Variants in ESPL1 observed in about 807,000 individuals in gnomAD.
ESPL1 encodes the protein separin.
ESPL1 carries 50 observed loss-of-function variants against 217.2 expected under a neutral mutation model. The ratio of observed to expected loss-of-function variants is 0.23; its 90% CI spans 0.18 to 0.29. ESPL1 has a LOEUF of 0.29. Among genes scored for constraint, ESPL1 ranks in the 10% least tolerant of loss-of-function variants. The pLI, the probability that ESPL1 is intolerant of heterozygous loss-of-function variation, is 1.00. For synonymous variants in ESPL1, 994 were observed against 1,081.3 expected (o/e 0.92, Z 1.58); for missense variants, 1,834 against 2,603.0 (o/e 0.70, Z 6.43).
Position 53,274,947 on chromosome 12 carries a change from T to C in ESPL1, c.1637T>C (p.Val546Ala). The C allele has an allele frequency of 6.3e-7, 1 of 1,595,328 alleles. No homozygotes were observed. Among genetic ancestry groups the C allele is most frequent in the Non-Finnish European group, 8.5e-7 (1 of 1,171,526 alleles). ...AGCCCTGAACACATGGCTGAGCCAG[T>C]CACTTTCTGGGTTCGGGTCAAGATG... is the stretch of plus-strand genomic sequence containing the variant. The part of the protein sequence containing the change: ...PCSPEHMAEP[V>A]TFWVRVKMDA... The change falls in exon 7 of 31, where the codon GTC becomes GCC. Residue 546 changes from valine (V) to alanine (A), a missense_variant. Physicochemically the swap from Val to Ala is moderately conservative, Grantham distance 64 (BLOSUM62 0). Around this residue, in one of 5 missense-constraint regions of ESPL1, gnomAD observed 746 missense variants for 1,077.0 expected, o/e 0.69. Transcript: ENST00000257934.
At chr12:53,272,238 G>A (rs566275293) in intron 5 of ESPL1, among the ~76,000 whole-genome samples, 40 of 152,294 alleles carry the variant, frequency 2.6e-4, no homozygotes, top group African/African-American at 9.1e-4. Flanking sequence ...CAGTAAATAA[G>A]TGAATTATCA....
At position 53,270,057 on chromosome 12, in the gene ESPL1, C is replaced by T. The variant is rs979250219; in HGVS notation, c.1115C>T (p.Ser372Phe). Residue 372 changes from serine to phenylalanine, a missense_variant, in exon 3 of 31, where the codon TCT becomes TTT. Coordinates refer to ENST00000257934, the MANE Select transcript of ESPL1 (RefSeq NM_012291.5). Reference sequence around the variant, plus strand: ...TTTGCTTTTCTTGGAGGGTACTGCTCTCTTCTGCAGCAGCTGCGGGATGAT... The same window carrying T: ...TTTGCTTTTCTTGGAGGGTACTGCTTTCTTCTGCAGCAGCTGCGGGATGAT... ...SLFAFLGGYCSLLQQLRDDGV... is the reference protein window; with the variant it reads ...SLFAFLGGYCFLLQQLRDDGV... 6.2e-7 allele frequency: 1 copy of T among 1,612,582 alleles called. No homozygotes were observed. The highest frequency in any genetic ancestry group is 1.7e-5 in the Admixed American group (1 of 59,820).
chr12:53,288,943 G>A, intron 20 of ESPL1, 147 bp from the exon 21 acceptor site: 1 of 732,168 alleles, frequency 1.4e-6, no homozygotes, highest in Admixed American at 2.4e-5. Context: ...TAGTTGCATG[G>A]CACCCCACTT....
Position 53,269,207 on chromosome 12 carries a change from A to G in ESPL1, c.265A>G (p.Thr89Ala), listed in dbSNP as rs1322038272. Residue 89 changes from threonine to alanine, a missense_variant, in exon 3 of 31, where the codon ACC becomes GCC. Thr to Ala is a moderately conservative substitution (Grantham distance 58). Transcript: ENST00000257934. This position sits in a 1 kb window ranked among gnomAD's most constrained non-coding sequence, Gnocchi z 6.7. ...GGCCTGTGATGGCTACTTAGTGTCT[A>G]CCCCACAGCGTCCTCCCCTCTACCT... The part of the protein sequence containing the change: ...ELACDGYLVS[T>A]PQRPPLYLER... 3.7e-6 allele frequency: 6 copies of G among 1,613,898 alleles called. No homozygotes were observed. The highest frequency in any genetic ancestry group is 4.5e-5 in the East Asian group (2 of 44,890).
chr12:53,276,457 C>T (rs1005139212), intron 7 of ESPL1, among the ~76,000 whole-genome samples, 163 bp from the exon 8 acceptor site: 1 of 152,172 alleles, frequency 6.6e-6, no homozygotes. Flanking sequence ...AGCCCACTGC[C>T]GTTTGTTAAA....
Position 53,269,865 on chromosome 12 carries a change from C to G in ESPL1, c.923C>G (p.Pro308Arg). 6.2e-7 allele frequency: 1 copy of G among 1,614,194 alleles called. No homozygotes were observed. Among genetic ancestry groups the G allele is most frequent in the Non-Finnish European group, 8.5e-7 (1 of 1,180,038 alleles). The change falls in exon 3 of 31, where the codon CCT becomes CGT. Residue 308 changes from proline (P) to arginine (R), a missense_variant. Around this residue, in one of 5 missense-constraint regions of ESPL1, gnomAD observed 746 missense variants for 1,077.0 expected, o/e 0.69. Coordinates refer to ENST00000257934, the MANE Select transcript of ESPL1 (RefSeq NM_012291.5). The surrounding 1 kb of genome is among the most constrained non-coding windows in gnomAD (Gnocchi z 6.7). ...VKLLQVGEEG[P>R]QAVAKLLIKA... ...CTGCTGCAGGTTGGGGAGGAAGGAC[C>G]TCAGGCAGTGGCCAAGCTTCTGATC...
At chr12:53,284,615 T>C (rs1943915240) in intron 17 of ESPL1, among the ~76,000 whole-genome samples, 2 of 152,192 alleles carry the variant, frequency 1.3e-5, no homozygotes, top group Non-Finnish European at 2.9e-5. Flanking sequence ...CCCTTGACTT[T>C]AGTCCAACCA....
intron 1 of ESPL1, 66 bp downstream of exon 1, chr12:53,268,443 G>A (rs1943606773): frequency 6.3e-6 from 2 of 318,194 alleles, no homozygotes; most frequent in East Asian, 7.1e-5. Flanking sequence ...CAGCGCTGAC[G>A]CGAGGAGAGG....
Position 53,279,736 on chromosome 12 carries a change from T to C in ESPL1, c.2369T>C (p.Met790Thr). 6.2e-7 allele frequency: 1 copy of C among 1,614,058 alleles called. No individual in the cohort carries two copies. The highest frequency in any genetic ancestry group is 8.5e-7 in the Non-Finnish European group (1 of 1,180,006). ...TTGGCTGCTTCTGCTGACCAGCCCA[T>C]GCAGGCTCTGGAGGTCCTCCTGCTG... The part of the protein sequence containing the change: ...AALYQLVAKP[M>T]QALEVLLLLR... Residue 790 changes from methionine (M) to threonine (T), a missense_variant, in exon 12 of 31, where the codon ATG (methionine) becomes ACG (threonine). Met to Thr is a moderately conservative substitution (Grantham distance 81, BLOSUM62 -1). Transcript: ENST00000257934.
chr12:53,277,791 G>T (rs1435355164), intron 10 of ESPL1, 30 bp from the exon 11 acceptor site: 1 of 1,611,030 alleles, frequency 6.2e-7, no homozygotes, highest in East Asian at 2.2e-5. Context: ...CCCATGCTGA[G>T]ACAGCAGTCA....
intron 16 of ESPL1, among the ~76,000 whole-genome samples, chr12:53,283,836 T>C (rs1279484160): frequency 6.6e-6 from 1 of 152,200 alleles, no homozygotes; most frequent in Non-Finnish European, 1.5e-5. Flanking sequence ...TATTGAGGAA[T>C]GCAGTTTGGG....
rs759822396 is a variant in ESPL1 at position 53,283,339 on chromosome 12, A to C, written c.2921-43A>C. On this transcript the variant is annotated intron_variant, in intron 15 of 30. Transcript: ENST00000257934. Reference sequence around the variant, plus strand: ...CTGCGGTTTTTTCTCCAGAGGATCCACACTGTGGCTGAGTGATGGTGGTCT... The same window carrying C: ...CTGCGGTTTTTTCTCCAGAGGATCCCCACTGTGGCTGAGTGATGGTGGTCT... The C allele has an allele frequency of 5.0e-6, 8 of 1,612,862 alleles. No homozygotes were observed. In the South Asian group the frequency reaches 8.8e-5, roughly 18 times the overall value.
Position 53,288,629 on chromosome 12 carries a change from A to G in ESPL1, c.4638A>G (p.Pro1546=), listed in dbSNP as rs1592495294. Residue 1546 remains proline, a synonymous_variant, in exon 20 of 31, where the codon CCA becomes CCG. Transcript: ENST00000257934. ...CCAGCAAGAAGAAGCTGCCCAGCCCATGCCCAGACAAGGAGAGTGACAAGG... is the reference window on the plus strand; with the variant it reads ...CCAGCAAGAAGAAGCTGCCCAGCCCGTGCCCAGACAAGGAGAGTGACAAGG... The part of the protein sequence containing the change: ...LDSSKKKLPS[P]CPDKESDKDL... The G allele has an allele frequency of 1.2e-6, 2 of 1,613,966 alleles. No homozygotes were observed. The highest frequency in any genetic ancestry group is 1.7e-6 in the Non-Finnish European group (2 of 1,180,002).
intron 10 of ESPL1, 63 bp downstream of exon 10, chr12:53,277,671 C>T: frequency 1.3e-6 from 2 of 1,592,870 alleles, no homozygotes; most frequent in Non-Finnish European, 8.6e-7. Flanking sequence ...GAACAGGGAC[C>T]CCTGGTGAGG....
rs1482802805 is a variant in ESPL1 at position 53,286,940 on chromosome 12, G to A, written c.4176+28G>A. On this transcript the variant is annotated intron_variant, in intron 18 of 30. Transcript: ENST00000257934. The surrounding 1 kb of genome is among the most constrained non-coding windows in gnomAD (Gnocchi z 5.3). ...GAGGTGGGACTGTTGCTAGGTGGTG[G>A]TGATGGTGTTGGATGGGGTTAGTCC... 6.4e-7 allele frequency: 1 copy of A among 1,558,004 alleles called. No individual in the cohort carries two copies. The highest frequency in any genetic ancestry group is 8.7e-7 in the Non-Finnish European group (1 of 1,153,436).
At chr12:53,291,914 T>G in intron 26 of ESPL1, 54 bp downstream of exon 26, 1 of 1,596,252 alleles carries the variant, frequency 6.3e-7, no homozygotes, top group Non-Finnish European at 8.6e-7. Context: ...TACCAACTCA[T>G]CCCCATGCCC....
chr12:53,290,417 C>A lies in ESPL1; in HGVS notation c.5312C>A (p.Thr1771Asn). ...QKAQKENSSC[T>N]DKREWWTGRL... ...GCACAGAAAGAGAACAGCAGCTGTA[C>A]TGACAAGCGAGAATGGTGGACAGGG... is the stretch of plus-strand genomic sequence containing the variant. The change falls in exon 24 of 31, where the codon ACT (threonine) becomes AAT (asparagine). Residue 1771 changes from threonine (T) to asparagine (N), a missense_variant. Thr to Asn is a moderately conservative substitution (Grantham distance 65). Transcript: ENST00000257934. 1.2e-6 allele frequency: 2 copies of A among 1,613,434 alleles called. No homozygotes were observed. Among genetic ancestry groups the A allele is most frequent in the Non-Finnish European group, 1.7e-6 (2 of 1,179,938 alleles).
Position 53,286,639 on chromosome 12 carries a change from T to G in ESPL1, c.3903T>G (p.Ser1301Arg). The G allele has an allele frequency of 1.2e-6, 2 of 1,614,158 alleles. No individual in the cohort carries two copies. The highest frequency in any genetic ancestry group is 1.7e-6 in the Non-Finnish European group (2 of 1,180,042). ...GCTGGCAGCCACCATTAATAAAAAG[T>G]GTCCCTGGCTCAGAGCCCTCTAAGA... ...SWGWQPPLIKSVPGSEPSKTQ... is the reference protein window; with the variant it reads ...SWGWQPPLIKRVPGSEPSKTQ... The change falls in exon 18 of 31, where the codon AGT (serine) becomes AGG (arginine). Residue 1301 changes from serine (S) to arginine (R), a missense_variant. Ser to Arg is a moderately radical substitution (Grantham distance 110). Around this residue, in one of 5 missense-constraint regions of ESPL1, gnomAD observed 681 missense variants for 808.0 expected, o/e 0.84. Coordinates refer to ENST00000257934, the MANE Select transcript of ESPL1 (RefSeq NM_012291.5). The surrounding 1 kb of genome is among the most constrained non-coding windows in gnomAD (Gnocchi z 5.3).
At position 53,293,388 on chromosome 12, in the gene ESPL1, G is replaced by A. The variant is rs760196390; in HGVS notation, c.6277G>A (p.Val2093Ile). 5.6e-6 allele frequency: 9 copies of A among 1,614,094 alleles called. No individual in the cohort carries two copies. Among genetic ancestry groups the A allele is most frequent in the Non-Finnish European group, 6.8e-6 (8 of 1,180,010 alleles). The change falls in exon 31 of 31, where the codon GTA becomes ATA. Residue 2093 changes from valine (V) to isoleucine (I), a missense_variant. Around this residue, in one of 5 missense-constraint regions of ESPL1, gnomAD observed 295 missense variants for 519.8 expected, o/e 0.57. Transcript: ENST00000257934. The surrounding 1 kb of genome is among the most constrained non-coding windows in gnomAD (Gnocchi z 4.2). ...CCCAGGGGCCCCCCTTCTCTACTATGTAAACCAGGCCCGCCAAGCTCCCCG... is the reference window on the plus strand; with the variant it reads ...CCCAGGGGCCCCCCTTCTCTACTATATAAACCAGGCCCGCCAAGCTCCCCG... ...AGPGAPLLYY[V>I]NQARQAPRLK...
Sources: gnomAD v4.1 joint callset for allele counts (sites outside exome capture counted in the v4.1 genomes callset) on GRCh38, gnomAD v4.1.1 for gene constraint, gnomAD v4.1.1 regional missense constraint, Gnocchi (gnomAD v3.1) non-coding constraint, MANE v1.5 for transcripts, NCBI Gene and HGNC (gene_info 2026-07-23, HGNC 2026-07-21) for gene names.